Variants in USP34 observed in about 807,000 individuals in gnomAD.
USP34 encodes ubiquitin specific peptidase 34.
USP34 carries 70 observed loss-of-function variants against 460.3 expected under a neutral mutation model. The observed-to-expected ratio is 0.15, with a 90% confidence interval of 0.13 to 0.19. USP34 has a LOEUF of 0.19. Ranked by LOEUF, USP34 falls within the 10% of genes least tolerant of loss-of-function variation. The probability of loss-of-function intolerance (pLI) is 1.00; values close to 1 mark genes in which losing one functional copy is unlikely to be tolerated. For missense variants in USP34, 3,985 were observed against 4,236.2 expected (o/e 0.94, Z 1.65); for synonymous variants, 1,647 against 1,405.3 (o/e 1.17, Z -3.85).
chr2:61,257,028 G>A (rs1304807146), intron 46 of USP34, 24 bp downstream of exon 46: 2 of 1,471,598 alleles, frequency 1.4e-6, no homozygotes, highest in Non-Finnish European at 1.8e-6. Flanking sequence ...TCTCCAAAAA[G>A]TAAAAACCAG....
intron 1 of USP34, among the ~76,000 whole-genome samples, chr2:61,468,005 T>C (rs1248739758): frequency 6.6e-6 from 1 of 152,072 alleles, no homozygotes; most frequent in Admixed American, 6.6e-5. Context: ...GCAGACTTTA[T>C]AGGTAATTAC....
chr2:61,339,294 C>T (rs1691517523), intron 18 of USP34, 57 bp downstream of exon 18: 1 of 1,531,788 alleles, frequency 6.5e-7, no homozygotes, highest in Non-Finnish European at 8.8e-7. Context: ...ACAAGAATGT[C>T]CCCCCACACC....
At chr2:61,435,862 C>G (rs1312726076) in intron 1 of USP34, among the ~76,000 whole-genome samples, 1 of 151,958 alleles carries the variant, frequency 6.6e-6, no homozygotes, top group African/African-American at 2.4e-5. Context: ...AACCTCATCT[C>G]TACTAAAATA....
intron 20 of USP34, among the ~76,000 whole-genome samples, chr2:61,330,447 G>A (rs1691226562): frequency 6.6e-6 from 1 of 152,174 alleles, no homozygotes; most frequent in Non-Finnish European, 1.5e-5. Flanking sequence ...ACTGATTTGT[G>A]CAGGGAAATA....
chr2:61,305,883 G>C (rs1316971262), intron 27 of USP34, among the ~76,000 whole-genome samples: 2 of 152,018 alleles, frequency 1.3e-5, no homozygotes, highest in Non-Finnish European at 2.9e-5. Flanking sequence ...CAATTTTAAA[G>C]TTCTAAAACA....
At chr2:61,232,375 T>G in intron 58 of USP34, 77 bp downstream of exon 58, 1 of 1,219,316 alleles carries the variant, frequency 8.2e-7, no homozygotes, top group African/African-American at 1.5e-5. Context: ...AAGACACACT[T>G]ATAAGCAAAT....
chr2:61,209,013 G>A, intron 69 of USP34, 36 bp from the exon 70 acceptor site: 1 of 1,362,670 alleles, frequency 7.3e-7, no homozygotes, highest in Non-Finnish European at 1.0e-6. Context: ...TGAGAAGTCT[G>A]AATAAGAACA....
intron 1 of USP34, among the ~76,000 whole-genome samples, chr2:61,434,461 G>A (rs976122610): frequency 6.6e-6 from 1 of 152,132 alleles, no homozygotes; most frequent in African/African-American, 2.4e-5. Context: ...TGTGCTCCTG[G>A]CCAGAGTAAC....
chr2:61,412,577 T>C (rs914769736), intron 2 of USP34, among the ~76,000 whole-genome samples: 20 of 151,448 alleles, frequency 1.3e-4, no homozygotes, highest in South Asian at 6.2e-4. Flanking sequence ...TCCCACAAAA[T>C]AGAAAAAAAT....
At chr2:61,315,956 T>A (rs1449706697) in intron 23 of USP34, among the ~76,000 whole-genome samples, 1 of 151,660 alleles carries the variant, frequency 6.6e-6, no homozygotes, top group Non-Finnish European at 1.5e-5. Flanking sequence ...TTGCAGCACT[T>A]TGGGAGGCTG....
intron 75 of USP34, among the ~76,000 whole-genome samples, chr2:61,202,660 T>C (rs1241026519): frequency 6.6e-6 from 1 of 152,178 alleles, no homozygotes; most frequent in Non-Finnish European, 1.5e-5. Context: ...TCACCTATTT[T>C]ATGAGACTTA....
intron 41 of USP34, among the ~76,000 whole-genome samples, chr2:61,270,237 T>C (rs1328213864): frequency 6.6e-6 from 1 of 152,158 alleles, no homozygotes; most frequent in African/African-American, 2.4e-5. Flanking sequence ...AGAGACCTCC[T>C]ACCCCTCCCA....
intron 2 of USP34, among the ~76,000 whole-genome samples, chr2:61,411,392 AAAG>A (rs1456331321): frequency 6.6e-6 from 1 of 152,086 alleles, no homozygotes; most frequent in Non-Finnish European, 1.5e-5. Flanking sequence ...AAAAAAAAAA[AAAG>A]AAAAAAAAAC....
At chr2:61,211,747 G>GA (rs1369059302) in intron 69 of USP34, 25 bp downstream of exon 69, 2 of 1,541,710 alleles carry the variant, frequency 1.3e-6, no homozygotes, top group Admixed American at 2.4e-5. Flanking sequence ...AAATAAACAA[G>GA]ACAAAACTAA....
chr2:61,415,304 G>A (rs547425947), intron 2 of USP34, among the ~76,000 whole-genome samples: 7 of 152,078 alleles, frequency 4.6e-5, no homozygotes, highest in South Asian at 2.1e-4. Flanking sequence ...TAGTTTATGA[G>A]CGTTTGAGAG....
At position 61,255,638 on chromosome 2, in the gene USP34, T is replaced by C. The variant is rs148226421; in HGVS notation, c.6221+746A>G. On this transcript the variant is annotated intron_variant, in intron 48 of 79. Coordinates refer to ENST00000398571, the MANE Select transcript of USP34 (RefSeq NM_014709.4). ...AAAATACTTTGGAAAGGCTAGCTAG[T>C]ACAAAAAGTCCCTAGTTAGCTACTA... Among the ~76,000 whole-genome samples the C allele has an allele frequency of 2.0e-5, 3 of 152,356 alleles. No homozygotes were observed. In the East Asian group the frequency reaches 5.8e-4, roughly 29 times the overall value.
intron 75 of USP34, among the ~76,000 whole-genome samples, chr2:61,195,687 A>C (rs1170540370): frequency 6.6e-6 from 1 of 152,012 alleles, no homozygotes; most frequent in Non-Finnish European, 1.5e-5. Flanking sequence ...AAACAAAAAA[A>C]CCATTAGCCA....
intron 67 of USP34, among the ~76,000 whole-genome samples, chr2:61,217,043 G>A (rs1436045852): frequency 6.7e-6 from 1 of 149,878 alleles, no homozygotes; most frequent in Non-Finnish European, 1.5e-5. Context: ...ACCTACCACC[G>A]AGATTCTACA....
intron 2 of USP34, among the ~76,000 whole-genome samples, chr2:61,411,912 G>C (rs1694051356): frequency 6.6e-6 from 1 of 152,152 alleles, no homozygotes; most frequent in East Asian, 1.9e-4. Flanking sequence ...AGTAAGGGCG[G>C]GCGTGGTGGC....
Sources: allele counts gnomAD v4.1 joint callset (sites outside exome capture counted in the v4.1 genomes callset), GRCh38; gene constraint gnomAD v4.1.1; transcripts MANE v1.5; gene names NCBI Gene and HGNC (gene_info 2026-07-23, HGNC 2026-07-21).